NRG1: variants seen among roughly 807,000 people sequenced by gnomAD.
The protein encoded by NRG1 is neuregulin 1.
NRG1 carries 18 observed loss-of-function variants against 63.8 expected under a neutral mutation model. That is an observed-to-expected ratio of 0.28 (90% CI 0.19 to 0.42). The LOEUF (loss-of-function observed/expected upper bound fraction) is 0.42. Among genes scored for constraint, NRG1 ranks in the 10% least tolerant of loss-of-function variants. NRG1 has a pLI of 1.00. For synonymous variants in NRG1, 302 were observed against 301.3 expected (o/e 1.00, Z -0.02); for missense variants, 762 against 814.7 (o/e 0.94, Z 0.79).
intron 1 of NRG1, among the ~76,000 whole-genome samples, chr8:32,306,979 TA>T (rs1490871538): frequency 2.0e-5 from 3 of 152,182 alleles, no homozygotes; most frequent in African/African-American, 7.2e-5. Flanking sequence ...TTTGAGACAT[TA>T]AAAAACATTG....
chr8:32,516,089 G>C (rs1829794419), intron 1 of NRG1, among the ~76,000 whole-genome samples: 1 of 152,094 alleles, frequency 6.6e-6, no homozygotes, highest in Non-Finnish European at 1.5e-5. Flanking sequence ...TTTGTATATG[G>C]TGAAAGGCAG....
chr8:32,389,880 C>T (rs1811506217), intron 1 of NRG1, among the ~76,000 whole-genome samples: 1 of 151,996 alleles, frequency 6.6e-6, no homozygotes, highest in Non-Finnish European at 1.5e-5. Flanking sequence ...CGTTCCTCAG[C>T]CTTCCAATAA....
At chr8:32,463,088 A>G (rs528703309) in intron 1 of NRG1, among the ~76,000 whole-genome samples, 72 of 151,626 alleles carry the variant, frequency 4.7e-4, no homozygotes, top group Admixed American at 1.3e-3. Flanking sequence ...TCTGGCTTAT[A>G]GTTCACTTAG....
chr8:32,695,485 G>A (rs1047718075), intron 5 of NRG1, among the ~76,000 whole-genome samples: 4 of 152,210 alleles, frequency 2.6e-5, no homozygotes, highest in Admixed American at 6.5e-5. Flanking sequence ...TTATGGGAAA[G>A]TACACAAATG....
At position 32,747,732 on chromosome 8, in the gene NRG1, G is replaced by GTGTGTATATATA. The variant is rs1264111970; in HGVS notation, c.691+5000_691+5001insGTGTATATATAT. Among the ~76,000 whole-genome samples the GTGTGTATATATA allele has an allele frequency of 2.3e-5, 3 of 132,122 alleles. No individual in the cohort carries two copies. The East Asian group carries it at 6.9e-4, about 30-fold the overall frequency. 86.7% of individuals were successfully genotyped at this position (132,122 alleles called of 152,430 possible). On this transcript the variant is annotated intron_variant, in intron 7 of 11. Coordinates refer to ENST00000356819, the Ensembl canonical transcript of NRG1. ...TGTTTGTGTGCATATATGTGTGTGT[G>GTGTGTATATATA]TATATATATATATATATATATATAT...
chr8:32,232,163 C>G (rs1847026298), intron 1 of NRG1, among the ~76,000 whole-genome samples: 1 of 152,088 alleles, frequency 6.6e-6, no homozygotes, highest in Non-Finnish European at 1.5e-5. Flanking sequence ...CTCAGCCTCC[C>G]AAAGTGCTGG....
At chr8:32,756,323 T>G in intron 8 of NRG1, 80 bp from the exon 9 acceptor site, 3 of 1,512,816 alleles carry the variant, frequency 2.0e-6, no homozygotes, top group Admixed American at 3.8e-5. Context: ...TACTCATAGG[T>G]GTTGGTAGAA....
intron 1 of NRG1, among the ~76,000 whole-genome samples, chr8:32,090,749 G>A (rs547344475): frequency 1.2e-4 from 19 of 152,258 alleles, no homozygotes; most frequent in African/African-American, 4.6e-4. Context: ...TGAAGTCAGA[G>A]GGAAATGACT....
At chr8:32,125,161 G>A (rs1395600926) in intron 1 of NRG1, among the ~76,000 whole-genome samples, 13 of 151,798 alleles carry the variant, frequency 8.6e-5, no homozygotes, top group Admixed American at 2.0e-4. Context: ...GACACCAAAT[G>A]TGCTGGTGCC....
intron 5 of NRG1, among the ~76,000 whole-genome samples, chr8:32,672,192 G>A (rs1399209211): frequency 1.3e-5 from 2 of 151,758 alleles, no homozygotes; most frequent in Non-Finnish European, 2.9e-5. Context: ...CTACAGGCAC[G>A]TGCCACCACG....
At chr8:31,887,943 TAATG>T (rs992556365) in intron 1 of NRG1, among the ~76,000 whole-genome samples, 88 of 151,714 alleles carry the variant, frequency 5.8e-4, no homozygotes, top group African/African-American at 2.0e-3. Flanking sequence ...TATTCAAAAA[TAATG>T]AAAACATATA....
At chr8:31,678,206 A>G (rs1316648028) in intron 1 of NRG1, among the ~76,000 whole-genome samples, 1 of 152,094 alleles carries the variant, frequency 6.6e-6, no homozygotes, top group East Asian at 1.9e-4. Flanking sequence ...TTAGCCTGAA[A>G]TAAAAGGTTC....
intron 1 of NRG1, among the ~76,000 whole-genome samples, chr8:31,939,440 T>C (rs901063134): frequency 1.1e-4 from 17 of 151,254 alleles, no homozygotes; most frequent in African/African-American, 3.9e-4. Context: ...ATACTCAAAA[T>C]ACACCAAAAT....
chr8:32,762,147 T>G (rs1406342376), intron 11 of NRG1, among the ~76,000 whole-genome samples: 1 of 151,228 alleles, frequency 6.6e-6, no homozygotes, highest in Non-Finnish European at 1.5e-5. Context: ...ATTTATGAAA[T>G]CAGAGGTTTC....
intron 1 of NRG1, among the ~76,000 whole-genome samples, chr8:31,675,092 C>T (rs1254078606): frequency 6.6e-6 from 1 of 152,190 alleles, no homozygotes; most frequent in Non-Finnish European, 1.5e-5. Flanking sequence ...CCTGTAATCC[C>T]AGCACTTTGG....
At chr8:32,391,810 A>C (rs1002603169) in intron 1 of NRG1, among the ~76,000 whole-genome samples, 4 of 152,114 alleles carry the variant, frequency 2.6e-5, no homozygotes, top group African/African-American at 7.2e-5. Flanking sequence ...AATTGACAAA[A>C]ATAATAACCC....
rs1055169273 is a variant in NRG1 at position 31,736,105 on chromosome 8, C to T, written c.37+96674C>T. Among the ~76,000 whole-genome samples, 5 of 152,080 alleles carry T rather than the reference C, an allele frequency of 3.3e-5. No individual in the cohort carries two copies. The East Asian group carries it at 7.7e-4, about 23-fold the overall frequency. On this transcript the variant is annotated intron_variant, in intron 1 of 10. Transcript: ENST00000519301. Reference sequence around the variant, plus strand: ...AAATTCCCAAGGTCCTTACCATGACCTTCAATGCCCTTTATCATCTGGTCT... The same window carrying T: ...AAATTCCCAAGGTCCTTACCATGACTTTCAATGCCCTTTATCATCTGGTCT...
chr8:32,062,102 T>C (rs1823977877), intron 1 of NRG1, among the ~76,000 whole-genome samples: 1 of 152,056 alleles, frequency 6.6e-6, no homozygotes, highest in South Asian at 2.1e-4. Flanking sequence ...GAGCATGCTA[T>C]AGGAGACAGT....
chr8:31,968,893 A>G (rs1367756100), intron 1 of NRG1, among the ~76,000 whole-genome samples: 1 of 152,196 alleles, frequency 6.6e-6, no homozygotes, highest in Non-Finnish European at 1.5e-5. Flanking sequence ...CTATACTATA[A>G]CTGTGCCTTT....
Sources: gnomAD v4.1 joint callset for allele counts (sites outside exome capture counted in the v4.1 genomes callset) on GRCh38, gnomAD v4.1.1 for gene constraint, MANE v1.5 for transcripts, NCBI Gene and HGNC (gene_info 2026-07-23, HGNC 2026-07-21) for gene names.